QTMAN: variants seen among roughly 807,000 people sequenced by gnomAD.
QTMAN encodes the protein queuosine-tRNA mannosyltransferase, also known as tRNA-queuosine alpha-mannosyltransferase.
the QTMAN span, among the ~76,000 whole-genome samples, chr2:143,948,231 A>G: frequency 3.3e-5 from 5 of 152,186 alleles, no homozygotes; most frequent in African/African-American, 1.2e-4. Flanking sequence ...TTTCTGGGCA[A>G]TGAGTGTGAA....
chr2:144,094,722 G>A, the QTMAN span, among the ~76,000 whole-genome samples: 2 of 152,330 alleles, frequency 1.3e-5, 1 homozygote, highest in African/African-American at 4.8e-5. Context: ...TTCAAGGTGA[G>A]ATTTGGGTGG....
At chr2:144,009,431 CACAGGAGCTAGAA>C in the QTMAN span, among the ~76,000 whole-genome samples, 1 of 152,162 alleles carries the variant, frequency 6.6e-6, no homozygotes, top group South Asian at 2.1e-4. Flanking sequence ...ATGGAGGAGT[CACAGGAGCTAGAA>C]ACAAGGTCTT....
chr2:144,049,721 G>T, the QTMAN span, among the ~76,000 whole-genome samples: 6 of 152,108 alleles, frequency 3.9e-5, no homozygotes, highest in Non-Finnish European at 5.9e-5. Context: ...TTAGGCTGAA[G>T]AATTATTGCG....
chr2:144,262,174 A>T, the QTMAN span, among the ~76,000 whole-genome samples: 1 of 152,190 alleles, frequency 6.6e-6, no homozygotes, highest in Admixed American at 6.5e-5. Context: ...AAGGTTATTT[A>T]GTGAGTCAGG....
the QTMAN span, among the ~76,000 whole-genome samples, chr2:143,997,774 T>C: frequency 7.9e-5 from 12 of 152,066 alleles, no homozygotes; most frequent in African/African-American, 2.9e-4. Context: ...TTTTTAAACC[T>C]AGGAAAATAA....
chr2:144,205,790 T>C, the QTMAN span, among the ~76,000 whole-genome samples: 1 of 152,216 alleles, frequency 6.6e-6, no homozygotes, highest in African/African-American at 2.4e-5. Flanking sequence ...AAAGTAGAAA[T>C]GCTTCATCCT....
chr2:144,324,147 C>T, the QTMAN span, among the ~76,000 whole-genome samples: 1 of 152,178 alleles, frequency 6.6e-6, no homozygotes, highest in Non-Finnish European at 1.5e-5. Flanking sequence ...TCATCCAATA[C>T]AAGTCTGTCT....
At chr2:144,120,800 C>T in the QTMAN span, among the ~76,000 whole-genome samples, 2 of 151,794 alleles carry the variant, frequency 1.3e-5, no homozygotes, top group Non-Finnish European at 1.5e-5. Flanking sequence ...CTGCCTAAAC[C>T]GAAAACAAAA....
chr2:144,307,521 GAAGT>G, the QTMAN span, among the ~76,000 whole-genome samples: 1 of 152,296 alleles, frequency 6.6e-6, no homozygotes, highest in African/African-American at 2.4e-5. Context: ...TAGAAAAAGA[GAAGT>G]AACAGACACT....
the QTMAN span, among the ~76,000 whole-genome samples, chr2:144,053,295 T>C: frequency 6.6e-6 from 1 of 152,084 alleles, no homozygotes; most frequent in African/African-American, 2.4e-5. Flanking sequence ...AAAACAAACT[T>C]TGAAAGTCAC....
At chr2:144,158,596 G>T in the QTMAN span, among the ~76,000 whole-genome samples, 3 of 151,712 alleles carry the variant, frequency 2.0e-5, no homozygotes, top group Admixed American at 1.3e-4. Flanking sequence ...ACAAGCATAG[G>T]TTTATTGATA....
At chr2:144,318,813 G>A in the QTMAN span, among the ~76,000 whole-genome samples, 1 of 152,086 alleles carries the variant, frequency 6.6e-6, no homozygotes, top group African/African-American at 2.4e-5. Context: ...TAGAGTTTTT[G>A]TTGAATGCTA....
the QTMAN span, among the ~76,000 whole-genome samples, chr2:144,115,282 GTGGT>G: frequency 2.0e-5 from 3 of 152,212 alleles, no homozygotes; most frequent in African/African-American, 7.2e-5. Flanking sequence ...AATCTCTACG[GTGGT>G]TGTCTCTTTC....
chr2:144,065,688 G>A, the QTMAN span, among the ~76,000 whole-genome samples: 1 of 150,926 alleles, frequency 6.6e-6, no homozygotes. Flanking sequence ...TCCTATTAAA[G>A]TTTCCTCAAG....
At chr2:143,991,196 T>C in the QTMAN span, among the ~76,000 whole-genome samples, 2 of 152,124 alleles carry the variant, frequency 1.3e-5, no homozygotes, top group East Asian at 1.9e-4. Flanking sequence ...CCTGAAGATA[T>C]TATGGTAAAT....
the QTMAN span, among the ~76,000 whole-genome samples, chr2:144,261,834 T>A: frequency 6.6e-6 from 1 of 152,224 alleles, no homozygotes; most frequent in African/African-American, 2.4e-5. Flanking sequence ...TGATTATGTA[T>A]CACCTTCTTT....
chr2:144,023,274 G>C, the QTMAN span, among the ~76,000 whole-genome samples: 1 of 151,882 alleles, frequency 6.6e-6, no homozygotes, highest in Non-Finnish European at 1.5e-5. Flanking sequence ...AATGGAAAGA[G>C]GTTTGAATCC....
the QTMAN span, among the ~76,000 whole-genome samples, chr2:144,318,877 A>G: frequency 6.6e-6 from 1 of 152,218 alleles, no homozygotes; most frequent in African/African-American, 2.4e-5. Flanking sequence ...TTCAACATTG[A>G]GAGAATCCAT....
the QTMAN span, among the ~76,000 whole-genome samples, chr2:144,133,233 ATATT>A: frequency 1.8e-3 from 120 of 66,910 alleles, no homozygotes; most frequent in African/African-American, 8.4e-3. Context: ...ATATATATTT[ATATT>A]TATATATAAA....
Sources: allele counts gnomAD v4.1 joint callset (sites outside exome capture counted in the v4.1 genomes callset), GRCh38; gene constraint gnomAD v4.1.1; transcripts MANE v1.5; gene names NCBI Gene and HGNC (gene_info 2026-07-23, HGNC 2026-07-21).